The following PPIL6 variants were observed in gnomAD, a reference collection of about 807,000 sequenced individuals.
PPIL6 encodes the protein peptidylprolyl isomerase like 6, also known as probable inactive peptidyl-prolyl cis-trans isomerase-like 6.
PPIL6 carries 39 observed loss-of-function variants against 36.8 expected under a neutral mutation model. The ratio of observed to expected loss-of-function variants is 1.06; its 90% CI spans 0.82 to 1.38. The LOEUF is 1.38. PPIL6 is among the 40% of genes most tolerant of loss of function. The probability of loss-of-function intolerance (pLI) is 0.00; values close to 1 mark genes in which losing one functional copy is unlikely to be tolerated. For synonymous variants in PPIL6, 123 were observed against 134.1 expected, an observed-to-expected ratio of 0.92 and a Z score of 0.57; for missense variants, 368 against 379.1, an observed-to-expected ratio of 0.97 and a Z score of 0.24.
rs538050786 is a variant in PPIL6 at position 109,395,306 on chromosome 6, C to T, written c.825-2369G>A. ...CCTATAATCCCAGCTACTTGGGTGG[C>T]GGAGGCATGAGAATTGCTTAAACCC... is the stretch of plus-strand genomic sequence containing the variant. On this transcript the variant is annotated intron_variant, in intron 7 of 7. Coordinates refer to ENST00000521072, the MANE Select transcript of PPIL6 (RefSeq NM_173672.5). 1.3e-3 allele frequency among the ~76,000 whole-genome samples: 194 copies of T among 151,602 alleles called. 1 individual carries two copies. The highest frequency in any genetic ancestry group is 3.7e-3 in the Admixed American group (56 of 15,222).
At chr6:109,418,585 C>T (rs184312458) in intron 6 of PPIL6, among the ~76,000 whole-genome samples, 7 of 147,282 alleles carry the variant, frequency 4.8e-5, no homozygotes, top group Admixed American at 4.1e-4. Flanking sequence ...CTCACTCTGT[C>T]ACCCAGGCTG....
intron 6 of PPIL6, among the ~76,000 whole-genome samples, chr6:109,412,043 C>T (rs899309424): frequency 6.6e-5 from 10 of 152,138 alleles, no homozygotes; most frequent in African/African-American, 9.7e-5. Flanking sequence ...AGGGCCAGGG[C>T]GAAAGCACCT....
chr6:109,415,592 A>T (rs1483259024), intron 6 of PPIL6, among the ~76,000 whole-genome samples: 1 of 152,212 alleles, frequency 6.6e-6, no homozygotes, highest in Non-Finnish European at 1.5e-5. Context: ...AATCCCGTGA[A>T]GTCAAGCACA....
intron 2 of PPIL6, among the ~76,000 whole-genome samples, chr6:109,434,989 T>A (rs1774366493): frequency 6.6e-6 from 1 of 152,090 alleles, no homozygotes; most frequent in Non-Finnish European, 1.5e-5. Context: ...GAGGGGAGAA[T>A]GCAGAGAAGG....
chr6:109,441,024 G>C, upstream of PPIL6: 1 of 1,259,684 alleles, frequency 7.9e-7, no homozygotes, highest in Non-Finnish European at 1.1e-6. Context: ...TGCGAAGAAG[G>C]AACGGTCTGG....
At chr6:109,425,617 T>TG (rs1391783989) in intron 5 of PPIL6, among the ~76,000 whole-genome samples, 1 of 150,796 alleles carries the variant, frequency 6.6e-6, no homozygotes, top group Non-Finnish European at 1.5e-5. Flanking sequence ...GGTGTGGGGG[T>TG]GGGCCCCTGC....
Position 109,413,409 on chromosome 6 carries a change from G to A in PPIL6, c.688+5778C>T, listed in dbSNP as rs115743761. On this transcript the variant is annotated intron_variant, in intron 6 of 7. Transcript: ENST00000521072. This position sits in a 1 kb window ranked among gnomAD's most constrained non-coding sequence, Gnocchi z 4.6. ...GAGAAACGTAAACCCAAACTACAACGAGATATCTCACTCCAGTTAAAATGG... is the reference window on the plus strand; with the variant it reads ...GAGAAACGTAAACCCAAACTACAACAAGATATCTCACTCCAGTTAAAATGG... Among the ~76,000 whole-genome samples, 1,753 of 152,222 alleles carry A rather than the reference G, an allele frequency of 0.012. 38 individuals are homozygous for A. The highest frequency in any genetic ancestry group is 0.04 in the African/African-American group (1,680 of 41,538).
chr6:109,399,350 C>G (rs756537684), intron 7 of PPIL6, among the ~76,000 whole-genome samples: 28 of 151,842 alleles, frequency 1.8e-4, no homozygotes, highest in Non-Finnish European at 4.1e-4. Flanking sequence ...CTCGAGTGAT[C>G]TGCCTGCCTC....
At chr6:109,395,978 G>C (rs961735121) in intron 7 of PPIL6, among the ~76,000 whole-genome samples, 1 of 151,602 alleles carries the variant, frequency 6.6e-6, no homozygotes, top group Non-Finnish European at 1.5e-5. Flanking sequence ...GACTACAGGC[G>C]CCTGCCACCA....
chr6:109,403,010 AC>A (rs1772625469), intron 6 of PPIL6: 5 of 1,494,290 alleles, frequency 3.3e-6, no homozygotes, highest in Non-Finnish European at 3.6e-6. Flanking sequence ...TCTCTGACTC[AC>A]TCTTTAATCG....
intron 5 of PPIL6, among the ~76,000 whole-genome samples, chr6:109,423,091 G>A (rs1327785746): frequency 2.6e-5 from 4 of 152,172 alleles, no homozygotes; most frequent in Admixed American, 2.6e-4. Flanking sequence ...GTTCAGCTGG[G>A]CACGGTGGCT....
intron 6 of PPIL6, among the ~76,000 whole-genome samples, chr6:109,414,032 A>G (rs939935186): frequency 6.6e-6 from 1 of 152,208 alleles, no homozygotes; most frequent in Admixed American, 6.5e-5. Context: ...AGAAAAAATG[A>G]GTAAGACCTC....
chr6:109,421,958 C>T lies in PPIL6; in HGVS notation c.632-2715G>A, dbSNP rs183921091. On this transcript the variant is annotated intron_variant, in intron 5 of 7. Transcript: ENST00000521072. ...GTGGCATCATCTCGGCTCACTGCAA[C>T]GGCCACCTCTCGGGTTCAACCGATT... 1.1e-3 allele frequency among the ~76,000 whole-genome samples: 169 copies of T among 152,258 alleles called. 1 individual carries two copies. The highest frequency in any genetic ancestry group is 2.0e-3 in the Non-Finnish European group (133 of 68,018).
intron 6 of PPIL6, among the ~76,000 whole-genome samples, chr6:109,411,679 A>C (rs530888882): frequency 6.6e-6 from 1 of 152,256 alleles, no homozygotes; most frequent in Non-Finnish European, 1.5e-5. Context: ...TCTTAGTAAA[A>C]GTTTGTGTTT....
intron 5 of PPIL6, 130 bp from the exon 6 acceptor site, chr6:109,419,373 G>A (rs1179452840): frequency 1.6e-6 from 1 of 623,822 alleles, no homozygotes; most frequent in African/African-American, 1.9e-5. Flanking sequence ...TGGAGCCCAG[G>A]AGTTTGAGAC....
chr6:109,391,304 A>G lies in PPIL6; in HGVS notation c.*1522T>C, dbSNP rs923575445. ...TTCCGTCTCAAAAAAAAAAAAAAAA[A>G]AAAAAAAAAAAAGAAAAGCACTCTT... On this transcript the variant is annotated 3_prime_UTR_variant, in exon 8 of 8. Transcript: ENST00000521072. The G allele has an allele frequency of 3.1e-5, 4 of 130,986 alleles. No individual in the cohort carries two copies. The highest frequency in any genetic ancestry group is 6.0e-5 in the Non-Finnish European group (4 of 67,042). 8.1% of individuals were successfully genotyped at this position (130,986 alleles called of 1,614,324 possible).
chr6:109,394,752 G>A (rs1378713783), intron 7 of PPIL6, among the ~76,000 whole-genome samples: 1 of 152,250 alleles, frequency 6.6e-6, no homozygotes, highest in Non-Finnish European at 1.5e-5. Context: ...AAGAGAGTAT[G>A]AAGCCTGTTC....
intron 3 of PPIL6, among the ~76,000 whole-genome samples, chr6:109,430,603 T>G (rs559283363): frequency 6.6e-6 from 1 of 152,296 alleles, no homozygotes; most frequent in African/African-American, 2.4e-5. Context: ...ATTTTTGTAT[T>G]TTTAGTAGAG....
At chr6:109,428,031 G>T (rs142613281) in intron 3 of PPIL6, among the ~76,000 whole-genome samples, 1 of 152,320 alleles carries the variant, frequency 6.6e-6, no homozygotes, top group African/African-American at 2.4e-5. Context: ...AGATAGGGAA[G>T]AGAAGGATGC....
Sources: gnomAD v4.1 joint callset for allele counts (sites outside exome capture counted in the v4.1 genomes callset) on GRCh38, gnomAD v4.1.1 for gene constraint, Gnocchi (gnomAD v3.1) non-coding constraint, MANE v1.5 for transcripts, NCBI Gene and HGNC (gene_info 2026-07-23, HGNC 2026-07-21) for gene names.